DRGX: variants seen among roughly 807,000 people sequenced by gnomAD.
DRGX encodes the protein dorsal root ganglia homeobox protein.
DRGX carries 21 observed loss-of-function variants against 28.6 expected under a neutral mutation model. That is an observed-to-expected ratio of 0.73 (90% confidence interval 0.52 to 1.06). The LOEUF is 1.06. Ranked by LOEUF, DRGX falls within the 50% of genes least tolerant of loss-of-function variation. The pLI is 0.00. For synonymous variants in DRGX, 136 were observed against 139.1 expected (o/e 0.98, Z 0.16); for missense variants, 354 against 343.9 (o/e 1.03, Z -0.23).
intron 6 of DRGX, among the ~76,000 whole-genome samples, chr10:49,379,242 G>A (rs17176977): frequency 0.067 from 10,208 of 152,224 alleles, 428 homozygotes; most frequent in Middle Eastern, 0.14. Context: ...TCAGCAGAGC[G>A]GTGTCTTTTG....
rs1159124812 is a variant in DRGX at position 49,365,560 on chromosome 10, C to T, written c.*556G>A. 6.6e-6 allele frequency: 1 copy of T among 152,276 alleles called. No homozygotes were observed. The highest frequency in any genetic ancestry group is 1.9e-4 in the East Asian group (1 of 5,194). The allele number at this position is 152,276 out of a possible 1,614,324, so 9.4% of individuals were successfully genotyped here. On this transcript the variant is annotated 3_prime_UTR_variant, in exon 7 of 7. Transcript: ENST00000374139. Reference sequence around the variant, plus strand: ...CTGTTGGCCCCTCCCTACCCTGCATCTTCTCACTTTGTAATGAAGCCCACA... The same window carrying T: ...CTGTTGGCCCCTCCCTACCCTGCATTTTCTCACTTTGTAATGAAGCCCACA...
rs748520186 is a variant in DRGX at position 49,366,360 on chromosome 10, C to A, written c.548G>T (p.Cys183Phe). 2.5e-6 allele frequency: 4 copies of A among 1,609,348 alleles called. No individual in the cohort carries two copies. The highest frequency in any genetic ancestry group is 3.3e-5 in the Admixed American group (2 of 59,774). Residue 183 changes from cysteine (C) to phenylalanine (F), a missense_variant, in exon 7 of 7, where the codon TGC becomes TTC. By Grantham distance (205) the Cys-to-Phe change is radical. Coordinates refer to ENST00000374139, the MANE Select transcript of DRGX (RefSeq NM_001276451.2). Reference protein sequence around the residue: ...SLKGGPLCSCCVPDPMGLSFL... With the variant: ...SLKGGPLCSCFVPDPMGLSFL... ...GGAGAGTCCCATGGGGTCTGGGACG[C>A]AGCAAGAGCACAGTGGGCCCCCTGG...
chr10:49,366,231 AG>A lies in DRGX; in HGVS notation c.676del (p.Leu226SerfsTer158). On this transcript the variant is annotated frameshift_variant, in exon 7 of 7. Coordinates refer to ENST00000374139, the MANE Select transcript of DRGX (RefSeq NM_001276451.2). LOFTEE classifies it high-confidence loss of function. ...GGGGCTGCTGCTGGTGGAAGGCAGG[AG>A]GTTGGCTGACTGCAGGACAGCTTCT... ...HSEAVLQSANLLPSTSSSPGP... is the reference protein window; with the variant it reads ...HSEAVLQSANXLPSTSSSPGP... The A allele has an allele frequency of 6.2e-7, 1 of 1,613,760 alleles. No homozygotes were observed. Among genetic ancestry groups the A allele is most frequent in the Non-Finnish European group, 8.5e-7 (1 of 1,179,842 alleles).
At chr10:49,376,281 T>C (rs991552994) in intron 6 of DRGX, among the ~76,000 whole-genome samples, 3 of 152,174 alleles carry the variant, frequency 2.0e-5, no homozygotes, top group African/African-American at 7.2e-5. Context: ...TGACATCAGC[T>C]AGGCATGGAG....
chr10:49,378,104 G>GA (rs961713055), intron 6 of DRGX, among the ~76,000 whole-genome samples: 1 of 151,620 alleles, frequency 6.6e-6, no homozygotes, highest in African/African-American at 2.4e-5. Context: ...TATTGAGAAA[G>GA]AAAAAAAATC....
intron 6 of DRGX, among the ~76,000 whole-genome samples, 199 bp from the exon 7 acceptor site, chr10:49,366,580 A>G (rs889281023): frequency 6.6e-6 from 1 of 152,262 alleles, no homozygotes; most frequent in Admixed American, 6.5e-5. Context: ...AAGGATTGTC[A>G]GAGCATCAGG....
intron 6 of DRGX, among the ~76,000 whole-genome samples, chr10:49,366,895 G>A (rs1849607677): frequency 6.6e-6 from 1 of 152,190 alleles, no homozygotes; most frequent in African/African-American, 2.4e-5. Context: ...CTGCATTCCT[G>A]TCAAGAATTT....
chr10:49,389,298 C>T (rs560888702), intron 4 of DRGX, among the ~76,000 whole-genome samples: 1 of 152,220 alleles, frequency 6.6e-6, no homozygotes, highest in East Asian at 1.9e-4. Context: ...ACTAACATGA[C>T]CCAGGGGAAC....
In DRGX at chr10:49,384,596, G is replaced by T. The variant is rs7900622; in HGVS notation, c.526+1882C>A. On this transcript the variant is annotated intron_variant, in intron 6 of 6. Transcript: ENST00000374139. ...AAGGGCTTAGGGAAGGGGTGGAGGG[G>T]AGAGGAAGAGGATGGACAGATGTTT... Among the ~76,000 whole-genome samples, 1,091 of 152,326 alleles carry T rather than the reference G, an allele frequency of 7.2e-3. 15 individuals are homozygous for T. The highest frequency in any genetic ancestry group is 0.025 in the African/African-American group (1,036 of 41,566).
intron 2 of DRGX, among the ~76,000 whole-genome samples, chr10:49,393,099 A>T (rs567451694): frequency 3.3e-4 from 51 of 152,326 alleles, no homozygotes; most frequent in African/African-American, 1.2e-3. Context: ...AGAAAAAAAA[A>T]GTGCTTCTGG....
Position 49,386,567 on chromosome 10 carries a change from G to T in DRGX, c.437C>A (p.Ala146Glu), listed in dbSNP as rs1422978355. ...QQSLGRTVGP[A>E]GPFFPSCLPG... ...CAAGCAGGAGGGGAAGAAAGGCCCT[G>T]CAGGACCTACCGTTCGCCCCAGGCT... is the stretch of plus-strand genomic sequence containing the variant. The change falls in exon 6 of 7, where the codon GCA becomes GAA. Residue 146 changes from alanine (A) to glutamate (E), a missense_variant. Ala to Glu is a moderately radical substitution (Grantham distance 107). Transcript: ENST00000374139. 6.3e-7 allele frequency: 1 copy of T among 1,591,674 alleles called. No homozygotes were observed. The highest frequency in any genetic ancestry group is 8.6e-7 in the Non-Finnish European group (1 of 1,169,070).
At chr10:49,391,695 G>A in intron 2 of DRGX, 2 of 452,876 alleles carry the variant, frequency 4.4e-6, no homozygotes, top group East Asian at 7.0e-5. Context: ...ACTTTCCCTT[G>A]TTTCTATTAA....
In DRGX at chr10:49,390,135, G is replaced by C. The variant is rs1475428730; in HGVS notation, c.232C>G (p.Gln78Glu). ...AAATAATTAAAAAGAAGGTTTACCT[G>C]CACTCTGGCTTCTGTGAGGTTTATT... ...MKINLTEARV[Q>E]VWFQNRRAKW... Residue 78 changes from glutamine (Q) to glutamate (E), a missense_variant and splice_region_variant, in exon 4 of 7, where the codon CAG (glutamine) becomes GAG (glutamate). Transcript: ENST00000374139. 6.2e-7 allele frequency: 1 copy of C among 1,608,804 alleles called. No homozygotes were observed. Among genetic ancestry groups the C allele is most frequent in the South Asian group, 1.1e-5 (1 of 89,544 alleles).
chr10:49,383,234 C>T (rs1245051998), intron 6 of DRGX, among the ~76,000 whole-genome samples: 2 of 152,242 alleles, frequency 1.3e-5, no homozygotes, highest in African/African-American at 4.8e-5. Context: ...ATACTGACCA[C>T]ACTACCGTGA....
rs1372093029 is a variant in DRGX at position 49,364,162 on chromosome 10, C to T, written c.*1954G>A. The T allele has an allele frequency of 6.6e-6, 1 of 152,202 alleles. No homozygotes were observed. Among genetic ancestry groups the T allele is most frequent in the African/African-American group, 2.4e-5 (1 of 41,456 alleles). 9.4% of individuals were successfully genotyped at this position (152,202 alleles called of 1,614,324 possible). A position where few individuals can be genotyped will look rare whatever the true frequency, so the allele number is the denominator to read the frequency against. On this transcript the variant is annotated 3_prime_UTR_variant, in exon 7 of 7. Transcript: ENST00000374139. ...TGCCTTTGTACAACAAAACAAAGTA[C>T]TCAATATCTCTGCAGAGGTTTGGTG...
chr10:49,387,135 C>T (rs751147761), intron 4 of DRGX, among the ~76,000 whole-genome samples: 3 of 152,224 alleles, frequency 2.0e-5, no homozygotes, highest in African/African-American at 7.2e-5. Context: ...TTGAGTCACA[C>T]GCAAGTTCAT....
At chr10:49,378,643 C>A (rs1245886049) in intron 6 of DRGX, among the ~76,000 whole-genome samples, 1 of 152,146 alleles carries the variant, frequency 6.6e-6, no homozygotes, top group African/African-American at 2.4e-5. Context: ...CAATACTGTA[C>A]TAGAGGTTCT....
chr10:49,382,520 C>T (rs1849787801), intron 6 of DRGX, among the ~76,000 whole-genome samples: 1 of 152,212 alleles, frequency 6.6e-6, no homozygotes, highest in Non-Finnish European at 1.5e-5. Context: ...GCTCCTCAAA[C>T]TGAGCTAGGA....
rs117667881 is a variant in DRGX at position 49,385,628 on chromosome 10, G to A, written c.526+850C>T. ...CACCTGCTGGAGAGGGACCCTCCTCGAGAGCAGGGAGACCTCAGGCGTTAG... is the reference window on the plus strand; with the variant it reads ...CACCTGCTGGAGAGGGACCCTCCTCAAGAGCAGGGAGACCTCAGGCGTTAG... On this transcript the variant is annotated intron_variant, in intron 6 of 6. Coordinates refer to ENST00000374139, the MANE Select transcript of DRGX (RefSeq NM_001276451.2). Among the ~76,000 whole-genome samples the A allele has an allele frequency of 1.5e-4, 23 of 152,186 alleles. No individual in the cohort carries two copies. The East Asian group carries it at 4.1e-3, about 27-fold the overall frequency.
Sources: gnomAD v4.1 joint callset for allele counts (sites outside exome capture counted in the v4.1 genomes callset) on GRCh38, gnomAD v4.1.1 for gene constraint, MANE v1.5 for transcripts, NCBI Gene and HGNC (gene_info 2026-07-23, HGNC 2026-07-21) for gene names.